PCDH11X: variants seen among roughly 807,000 people sequenced by gnomAD.
The protein encoded by PCDH11X is protocadherin 11 X-linked.
PCDH11X carries 18 observed loss-of-function variants against 53.3 expected under a neutral mutation model. The ratio of observed to expected loss-of-function variants is 0.34; its 90% CI spans 0.23 to 0.50. The LOEUF is 0.50. Ranked by LOEUF, PCDH11X falls within the 20% of genes least tolerant of loss-of-function variation. The pLI is 0.98. For missense variants in PCDH11X, 570 were observed against 1,032.4 expected (o/e 0.55, Z 6.14); for synonymous variants, 279 against 393.3 (o/e 0.71, Z 3.44).
Position 92,532,043 on chromosome X carries a change from A to G in PCDH11X, c.3367+63721A>G, listed in dbSNP as rs529362234. Among the ~76,000 whole-genome samples the G allele has an allele frequency of 3.4e-4, 38 of 110,716 alleles. No individual in the cohort carries two copies. In the South Asian group the frequency reaches 0.011, roughly 31 times the overall value. On this transcript the variant is annotated intron_variant, in intron 10 of 10. Transcript: ENST00000682573. ...GAAAGAAAGATATACCAATAGAAAT[A>G]CATTTTAATTTAGGACCTCTGGTAC...
intron 10 of PCDH11X, among the ~76,000 whole-genome samples, chrX:92,539,289 A>C (rs1243148696): frequency 2.2e-4 from 24 of 110,685 alleles, no homozygotes; most frequent in African/African-American, 7.5e-4. Flanking sequence ...TTCATTCTTT[A>C]TTCTTTTTAA....
At chrX:92,095,909 A>C (rs1290360456) in intron 6 of PCDH11X, among the ~76,000 whole-genome samples, 1 of 112,017 alleles carries the variant, frequency 8.9e-6, no homozygotes. Flanking sequence ...TTGCTATTCA[A>C]GTTCCAAGAC....
chrX:91,853,924 T>C (rs1216033563), intron 5 of PCDH11X, among the ~76,000 whole-genome samples: 2 of 110,980 alleles, frequency 1.8e-5, no homozygotes, highest in African/African-American at 3.3e-5. Context: ...GTACATGAAA[T>C]ACTTTGATAC....
At chrX:92,277,604 G>A (rs78934959) in intron 8 of PCDH11X, among the ~76,000 whole-genome samples, 1 of 108,497 alleles carries the variant, frequency 9.2e-6, no homozygotes, top group African/African-American at 3.4e-5. Context: ...GGGAAAAGTG[G>A]TTGGGGCTCA....
intron 6 of PCDH11X, among the ~76,000 whole-genome samples, chrX:92,009,700 C>CT (rs68159170): frequency 0.1 from 6,727 of 66,631 alleles, 468 homozygotes; most frequent in Non-Finnish European, 0.12. Context: ...TGACTGTTGC[C>CT]TTTTTTTTTT....
chrX:92,094,036 A>G (rs2064091760), intron 6 of PCDH11X, among the ~76,000 whole-genome samples: 1 of 110,556 alleles, frequency 9.0e-6, no homozygotes. Context: ...CATTAAACAC[A>G]AATTATATAC....
chrX:92,081,498 A>G (rs1302249777), intron 6 of PCDH11X, among the ~76,000 whole-genome samples: 2 of 110,648 alleles, frequency 1.8e-5, no homozygotes, highest in Non-Finnish European at 3.8e-5. Context: ...CCTGTTGATC[A>G]ATTAAGCACT....
intron 1 of PCDH11X, among the ~76,000 whole-genome samples, chrX:91,784,186 T>A (rs1237634178): frequency 9.1e-6 from 1 of 110,131 alleles, no homozygotes; most frequent in Non-Finnish European, 1.9e-5. Flanking sequence ...CCTGAGAAAA[T>A]TGGGCAATAG....
chrX:92,572,885 A>AAAAT (rs751923697), intron 10 of PCDH11X, among the ~76,000 whole-genome samples: 17 of 107,487 alleles, frequency 1.6e-4, no homozygotes, highest in African/African-American at 5.4e-4. Flanking sequence ...CTCCATCTCA[A>AAAAT]AAATAAATAA....
chrX:91,860,777 G>A (rs1456960045), intron 5 of PCDH11X, among the ~76,000 whole-genome samples: 1 of 111,910 alleles, frequency 8.9e-6, no homozygotes, highest in Admixed American at 9.5e-5. Flanking sequence ...ATTTATTTGT[G>A]TATGTTGAAC....
chrX:92,112,657 T>C (rs189813151), intron 6 of PCDH11X, among the ~76,000 whole-genome samples: 2,768 of 109,685 alleles, frequency 0.025, 251 homozygotes, highest in African/African-American at 0.091. Flanking sequence ...TGATAATCCA[T>C]TTATAGATTT....
At chrX:91,833,676 A>G (rs1278812430) in intron 4 of PCDH11X, among the ~76,000 whole-genome samples, 1 of 112,113 alleles carries the variant, frequency 8.9e-6, no homozygotes, top group East Asian at 2.8e-4. Flanking sequence ...AACTATCTTG[A>G]TTGTTGCAAC....
At chrX:92,590,354 T>C (rs1924907159) in intron 10 of PCDH11X, among the ~76,000 whole-genome samples, 1 of 111,010 alleles carries the variant, frequency 9.0e-6, no homozygotes, top group African/African-American at 3.3e-5. Flanking sequence ...AGTTATAAAT[T>C]TGGGGGCTCA....
intron 10 of PCDH11X, among the ~76,000 whole-genome samples, chrX:92,556,351 G>A (rs1216352441): frequency 9.0e-6 from 1 of 111,549 alleles, no homozygotes; most frequent in Admixed American, 9.5e-5. Flanking sequence ...ACTTCTGCCT[G>A]TGAGCCTGTA....
chrX:92,528,273 G>C (rs1602261047), intron 10 of PCDH11X, among the ~76,000 whole-genome samples: 1 of 111,920 alleles, frequency 8.9e-6, no homozygotes, highest in Admixed American at 9.5e-5. Flanking sequence ...TATTTAATGA[G>C]TCCTAAGTTG....
At chrX:92,594,153 T>TAA (rs1925319879) in intron 10 of PCDH11X, among the ~76,000 whole-genome samples, 1 of 96,164 alleles carries the variant, frequency 1.0e-5, no homozygotes, top group African/African-American at 3.8e-5. Context: ...ATTTTGCTTT[T>TAA]AAAATTTTCT....
At chrX:92,080,135 C>T (rs766629417) in intron 6 of PCDH11X, among the ~76,000 whole-genome samples, 15 of 110,670 alleles carry the variant, frequency 1.4e-4, no homozygotes, top group South Asian at 7.7e-4. Context: ...TATAACAGGA[C>T]CAAGATTCCA....
intron 1 of PCDH11X, among the ~76,000 whole-genome samples, chrX:91,804,550 T>C (rs1456604799): frequency 1.9e-5 from 2 of 107,153 alleles, no homozygotes; most frequent in Non-Finnish European, 3.9e-5. Context: ...TCAACATGTA[T>C]AAAAGTTGTG....
intron 4 of PCDH11X, chrX:91,835,069 A>G: frequency 1.4e-6 from 1 of 723,099 alleles, no homozygotes. Flanking sequence ...ATTATAACAA[A>G]GAATAATGAT....
Sources: gnomAD v4.1 joint callset for allele counts (sites outside exome capture counted in the v4.1 genomes callset) on GRCh38, gnomAD v4.1.1 for gene constraint, MANE v1.5 for transcripts, NCBI Gene and HGNC (gene_info 2026-07-23, HGNC 2026-07-21) for gene names.